The following FAM168A variants were observed in gnomAD, a reference collection of about 807,000 sequenced individuals.
FAM168A encodes the protein family with sequence similarity 168 member A, also known as protein FAM168A.
FAM168A carries 3 observed loss-of-function variants against 28.5 expected under a neutral mutation model. That is an observed-to-expected ratio of 0.11 (90% CI 0.05 to 0.27). The LOEUF is 0.27. Among genes scored for constraint, FAM168A ranks in the 10% least tolerant of loss-of-function variants. The pLI is 1.00. For missense variants in FAM168A, 222 were observed against 311.5 expected (o/e 0.71, Z 2.16); for synonymous variants, 122 against 124.2 (o/e 0.98, Z 0.12).
chr11:73,529,257 G>C (rs1317195078), intron 1 of FAM168A, among the ~76,000 whole-genome samples: 1 of 152,170 alleles, frequency 6.6e-6, no homozygotes, highest in Non-Finnish European at 1.5e-5. Context: ...GAGAAAGGAA[G>C]GTGTTGCCTG....
chr11:73,587,257 G>A (rs867551569), intron 1 of FAM168A, among the ~76,000 whole-genome samples: 29 of 151,826 alleles, frequency 1.9e-4, no homozygotes, highest in African/African-American at 6.3e-4. Flanking sequence ...TTGGGAGGCC[G>A]AGGTGGGCGG....
At chr11:73,476,279 T>C (rs1486302253) in intron 1 of FAM168A, among the ~76,000 whole-genome samples, 1 of 152,034 alleles carries the variant, frequency 6.6e-6, no homozygotes, top group African/African-American at 2.4e-5. Context: ...TGGCCACTAA[T>C]CTATGCCAAC....
intron 1 of FAM168A, among the ~76,000 whole-genome samples, chr11:73,471,190 G>T (rs1209602808): frequency 6.6e-6 from 1 of 152,158 alleles, no homozygotes; most frequent in East Asian, 1.9e-4. Flanking sequence ...TAGTTTCAGG[G>T]ACAGGCTAAA....
At chr11:73,493,219 AG>A (rs1854795290) in intron 1 of FAM168A, among the ~76,000 whole-genome samples, 1 of 152,288 alleles carries the variant, frequency 6.6e-6, no homozygotes, top group Admixed American at 6.5e-5. Context: ...TCCTGGTGGC[AG>A]ACAAAATGAG....
chr11:73,557,497 T>A (rs1943904615), intron 1 of FAM168A, among the ~76,000 whole-genome samples: 1 of 152,186 alleles, frequency 6.6e-6, no homozygotes, highest in Admixed American at 6.5e-5. Context: ...CCCAAAGTGC[T>A]GGGATTATAG....
chr11:73,511,041 A>G (rs1442873966), intron 1 of FAM168A, among the ~76,000 whole-genome samples: 1 of 152,116 alleles, frequency 6.6e-6, no homozygotes, highest in African/African-American at 2.4e-5. Flanking sequence ...CCCTTCCCAC[A>G]AAAGGAACCT....
At chr11:73,480,130 C>T (rs1223819247) in intron 1 of FAM168A, among the ~76,000 whole-genome samples, 1 of 151,992 alleles carries the variant, frequency 6.6e-6, no homozygotes, top group Non-Finnish European at 1.5e-5. Context: ...TGGAGGAGAA[C>T]CCTGATTTCT....
At chr11:73,478,201 T>A (rs1257449261) in intron 1 of FAM168A, among the ~76,000 whole-genome samples, 1 of 152,204 alleles carries the variant, frequency 6.6e-6, no homozygotes, top group Admixed American at 6.5e-5. Flanking sequence ...CAATAAGTTA[T>A]AATAAATTAA....
chr11:73,463,024 G>A (rs1007893024), intron 2 of FAM168A, among the ~76,000 whole-genome samples: 2 of 151,632 alleles, frequency 1.3e-5, no homozygotes, highest in African/African-American at 2.4e-5. Flanking sequence ...GCTGGAGTGC[G>A]GTGGCATGAT....
At chr11:73,580,592 T>C (rs1944231045) in intron 1 of FAM168A, 3 of 502,486 alleles carry the variant, frequency 6.0e-6, no homozygotes, top group Admixed American at 5.0e-5. Context: ...TTTAATCAAG[T>C]TTTATAAAAA....
intron 2 of FAM168A, among the ~76,000 whole-genome samples, chr11:73,432,180 G>A (rs1867006676): frequency 6.6e-6 from 1 of 152,154 alleles, no homozygotes; most frequent in Non-Finnish European, 1.5e-5. Flanking sequence ...ATCTGTTGAG[G>A]GACGCCCAGG....
intron 2 of FAM168A, among the ~76,000 whole-genome samples, chr11:73,442,997 T>TATATATAA (rs1555020518): frequency 7.7e-6 from 1 of 130,406 alleles, no homozygotes; most frequent in Non-Finnish European, 1.6e-5. Flanking sequence ...TATATATATA[T>TATATATAA]GCCAAGCCTT....
At chr11:73,553,051 T>C (rs1479169974) in intron 1 of FAM168A, among the ~76,000 whole-genome samples, 1 of 152,210 alleles carries the variant, frequency 6.6e-6, no homozygotes, top group East Asian at 1.9e-4. Flanking sequence ...CAATAATATA[T>C]TGTTTTATAA....
chr11:73,586,750 TG>T (rs1944317624), intron 1 of FAM168A, among the ~76,000 whole-genome samples: 1 of 152,196 alleles, frequency 6.6e-6, no homozygotes, highest in Non-Finnish European at 1.5e-5. Context: ...CTACTGCAAA[TG>T]TACCAGGCTA....
intron 1 of FAM168A, among the ~76,000 whole-genome samples, chr11:73,562,560 C>T (rs1472362260): frequency 1.3e-5 from 2 of 152,150 alleles, no homozygotes; most frequent in Non-Finnish European, 2.9e-5. Flanking sequence ...GGCACGATCG[C>T]TCATGCTGGT....
chr11:73,459,493 GA>G (rs914369318), intron 2 of FAM168A, among the ~76,000 whole-genome samples: 11 of 120,578 alleles, frequency 9.1e-5, no homozygotes, highest in African/African-American at 2.2e-4. Context: ...GTCAAAAAAA[GA>G]AAAAAAAAAG....
rs975605904 is a variant in FAM168A, at chr11:73,425,436, A to G, written c.151+5254T>C. 3.9e-5 allele frequency among the ~76,000 whole-genome samples: 6 copies of G among 152,340 alleles called. No individual in the cohort carries two copies. The South Asian group carries it at 6.2e-4, about 16-fold the overall frequency. On this transcript the variant is annotated intron_variant, in intron 3 of 7. Transcript: ENST00000356467. ...GTGAAGGTTCAGAGACAATATCACC[A>G]TCTTTGGCCTCTAAAGAGCTGTCTG...
At chr11:73,468,326 G>T in intron 2 of FAM168A, 79 bp downstream of exon 2, 1 of 1,367,698 alleles carries the variant, frequency 7.3e-7, no homozygotes, top group Non-Finnish European at 1.0e-6. Flanking sequence ...GGAGGTATAC[G>T]TTAGGAGGAG....
At chr11:73,453,182 A>G (rs1043914113) in intron 2 of FAM168A, among the ~76,000 whole-genome samples, 1 of 152,234 alleles carries the variant, frequency 6.6e-6, no homozygotes, top group Non-Finnish European at 1.5e-5. Flanking sequence ...AACACGGTGT[A>G]TGGCCCATAA....
Sources: allele counts gnomAD v4.1 joint callset (sites outside exome capture counted in the v4.1 genomes callset), GRCh38; gene constraint gnomAD v4.1.1; transcripts MANE v1.5; gene names NCBI Gene and HGNC (gene_info 2026-07-23, HGNC 2026-07-21).